MACROD2: variants seen among roughly 807,000 people sequenced by gnomAD.
MACROD2 encodes mono-ADP ribosylhydrolase 2.
MACROD2 carries 36 observed loss-of-function variants against 70.4 expected under a neutral mutation model. The ratio of observed to expected loss-of-function variants is 0.51; its 90% CI spans 0.39 to 0.68. The LOEUF (loss-of-function observed/expected upper bound fraction) is 0.68. MACROD2 is among the 30% of genes least tolerant of loss of function. The pLI is 0.00. For synonymous variants in MACROD2, 172 were observed against 178.8 expected, an observed-to-expected ratio of 0.96 and a Z score of 0.30; for missense variants, 496 against 538.4, an observed-to-expected ratio of 0.92 and a Z score of 0.78.
chr20:14,894,922 T>C (rs1301455916), intron 5 of MACROD2: 2 of 152,140 alleles, frequency 1.3e-5, no homozygotes, highest in Non-Finnish European at 2.9e-5. Context: ...TCACAGAAAG[T>C]AACTGATTGA....
At chr20:14,309,846 C>G (rs1007696825) in intron 3 of MACROD2, among the ~76,000 whole-genome samples, 3 of 152,104 alleles carry the variant, frequency 2.0e-5, no homozygotes, top group African/African-American at 7.2e-5. Flanking sequence ...TAAACATTTG[C>G]TATGCTATAG....
rs191304347 is a variant in MACROD2 at position 14,388,138 on chromosome 20, T to C, written c.272-105341T>C. Among the ~76,000 whole-genome samples, 26 of 151,890 alleles carry C rather than the reference T, an allele frequency of 1.7e-4. No homozygotes were observed. In the East Asian group the frequency reaches 4.9e-3, roughly 28 times the overall value. On this transcript the variant is annotated intron_variant, in intron 3 of 17. Transcript: ENST00000684519. ...CATTCTCATGCCTCAGCCTCCTGAG[T>C]AGCTGGGACTATAGGCGCCTGCCAC...
chr20:14,491,611 C>T (rs978724464), intron 3 of MACROD2, among the ~76,000 whole-genome samples: 1 of 152,186 alleles, frequency 6.6e-6, no homozygotes, highest in East Asian at 1.9e-4. Flanking sequence ...TACCCATCCA[C>T]CCACATCTAT....
intron 5 of MACROD2, among the ~76,000 whole-genome samples, chr20:15,001,949 A>T (rs1303805071): frequency 1.4e-5 from 2 of 143,538 alleles, no homozygotes; most frequent in African/African-American, 5.2e-5. Context: ...GCATGCCCAC[A>T]CACACACACA....
intron 4 of MACROD2, among the ~76,000 whole-genome samples, chr20:14,609,655 A>C (rs866180317): frequency 6.6e-6 from 1 of 152,118 alleles, no homozygotes; most frequent in Non-Finnish European, 1.5e-5. Flanking sequence ...AAAAATACTT[A>C]TGTGTATGAA....
chr20:15,921,505 C>T (rs981620720), intron 10 of MACROD2, among the ~76,000 whole-genome samples: 15 of 152,206 alleles, frequency 9.9e-5, no homozygotes, highest in Admixed American at 5.2e-4. Flanking sequence ...CCCTCTCTCT[C>T]CTTTTACCCC....
intron 3 of MACROD2, among the ~76,000 whole-genome samples, chr20:14,368,706 G>A (rs1448681072): frequency 1.3e-5 from 2 of 151,966 alleles, no homozygotes; most frequent in Non-Finnish European, 2.9e-5. Context: ...ATGTAGTATT[G>A]TTTTTCATGT....
chr20:14,501,279 T>A (rs1440252299), intron 4 of MACROD2, among the ~76,000 whole-genome samples: 2 of 152,132 alleles, frequency 1.3e-5, no homozygotes, highest in Non-Finnish European at 2.9e-5. Context: ...ACAGATCACA[T>A]GGAAAGAGGG....
At chr20:15,556,966 T>C (rs769411692) in intron 8 of MACROD2, among the ~76,000 whole-genome samples, 4 of 152,158 alleles carry the variant, frequency 2.6e-5, no homozygotes, top group Non-Finnish European at 4.4e-5. Context: ...GAATTTCAAT[T>C]TTACCTATCT....
chr20:14,739,708 A>G (rs1352059506), intron 5 of MACROD2, among the ~76,000 whole-genome samples: 1 of 152,096 alleles, frequency 6.6e-6, no homozygotes, highest in African/African-American at 2.4e-5. Context: ...AAAATTAGAA[A>G]TGTACACAAA....
intron 4 of MACROD2, among the ~76,000 whole-genome samples, chr20:14,526,383 A>G (rs976594645): frequency 1.3e-5 from 2 of 152,138 alleles, no homozygotes; most frequent in African/African-American, 4.8e-5. Flanking sequence ...CAAATGATCT[A>G]TCAGTTTTGG....
chr20:14,942,313 TAGAA>T (rs1483934576), intron 5 of MACROD2, among the ~76,000 whole-genome samples: 1 of 152,126 alleles, frequency 6.6e-6, no homozygotes, highest in African/African-American at 2.4e-5. Context: ...AATTCTGAAA[TAGAA>T]TAATAATTGC....
chr20:14,721,651 T>C (rs2071471651), intron 5 of MACROD2, among the ~76,000 whole-genome samples: 1 of 152,212 alleles, frequency 6.6e-6, no homozygotes, highest in Admixed American at 6.5e-5. Context: ...GAATTGCCTT[T>C]CTTCATAGGT....
At chr20:14,878,941 T>C (rs992494562) in intron 5 of MACROD2, among the ~76,000 whole-genome samples, 2 of 152,100 alleles carry the variant, frequency 1.3e-5, no homozygotes, top group Non-Finnish European at 2.9e-5. Flanking sequence ...TCTTTCCATC[T>C]TTAATACCCC....
chr20:14,702,663 GTA>G (rs1319761648), intron 5 of MACROD2, among the ~76,000 whole-genome samples: 10 of 72,488 alleles, frequency 1.4e-4, no homozygotes, highest in East Asian at 6.1e-4. Flanking sequence ...ATATATATGT[GTA>G]TATATATATA....
At chr20:15,069,573 A>T (rs1480397320) in intron 5 of MACROD2, among the ~76,000 whole-genome samples, 1 of 152,234 alleles carries the variant, frequency 6.6e-6, no homozygotes. Context: ...CTTTCCTTGC[A>T]GCCTCAGGAC....
intron 5 of MACROD2, among the ~76,000 whole-genome samples, chr20:14,952,534 G>C (rs773397233): frequency 6.6e-5 from 10 of 152,160 alleles, no homozygotes; most frequent in Middle Eastern, 3.4e-3. Context: ...TAATATTTAA[G>C]TACTAATCCC....
At chr20:14,832,447 G>T (rs2072982068) in intron 5 of MACROD2, among the ~76,000 whole-genome samples, 1 of 151,932 alleles carries the variant, frequency 6.6e-6, no homozygotes, top group South Asian at 2.1e-4. Context: ...TGGAATGGCA[G>T]TTTGAGGAAG....
At chr20:15,607,938 A>T (rs1452147940) in intron 8 of MACROD2, among the ~76,000 whole-genome samples, 1 of 152,252 alleles carries the variant, frequency 6.6e-6, no homozygotes, top group Non-Finnish European at 1.5e-5. Context: ...CAGAGATGGA[A>T]TTCAAGAAGT....
Sources: gnomAD v4.1 joint callset for allele counts (sites outside exome capture counted in the v4.1 genomes callset) on GRCh38, gnomAD v4.1.1 for gene constraint, MANE v1.5 for transcripts, NCBI Gene and HGNC (gene_info 2026-07-23, HGNC 2026-07-21) for gene names.